Variants in NAV2 observed in about 807,000 individuals in gnomAD.
NAV2 encodes helicase, APC down-regulated 1.
A neutral mutation model predicts 223.2 loss-of-function variants in NAV2; 54 were observed. The observed-to-expected ratio is 0.24, with a 90% CI of 0.19 to 0.30. NAV2 has a LOEUF of 0.30. NAV2 is among the 10% of genes least tolerant of loss of function. NAV2 has a pLI of 1.00. For synonymous variants in NAV2, 1,279 were observed against 1,239.3 expected (o/e 1.03, Z -0.67); for missense variants, 2,806 against 3,147.5 (o/e 0.89, Z 2.60).
At chr11:19,437,623 T>C (rs1290988364) in intron 1 of NAV2, among the ~76,000 whole-genome samples, 2 of 152,140 alleles carry the variant, frequency 1.3e-5, no homozygotes, top group Non-Finnish European at 2.9e-5. Context: ...AATATCCAAA[T>C]GTCTATTTGT....
chr11:19,542,098 C>A (rs1418567871), intron 1 of NAV2, among the ~76,000 whole-genome samples: 1 of 152,168 alleles, frequency 6.6e-6, no homozygotes, highest in East Asian at 1.9e-4. Context: ...GAATCCCTTC[C>A]ACCCACCCTT....
chr11:19,695,361 A>C (rs2049298977), intron 1 of NAV2, among the ~76,000 whole-genome samples: 1 of 152,216 alleles, frequency 6.6e-6, no homozygotes, highest in South Asian at 2.1e-4. Context: ...GTAAACAGGG[A>C]ATGACAATAC....
intron 1 of NAV2, among the ~76,000 whole-genome samples, chr11:19,739,065 C>T (rs2052577964): frequency 6.6e-6 from 1 of 152,204 alleles, no homozygotes. Context: ...CCTGTGGTCT[C>T]AGCTACTCAG....
At chr11:19,924,652 A>G (rs145549729) in intron 6 of NAV2, among the ~76,000 whole-genome samples, 450 of 152,372 alleles carry the variant, frequency 3.0e-3, no homozygotes, top group Non-Finnish European at 4.7e-3. Flanking sequence ...GTGACCCAGT[A>G]GAGAGCAAAA....
chr11:19,882,598 CA>C (rs764123854), intron 5 of NAV2, among the ~76,000 whole-genome samples: 4 of 152,206 alleles, frequency 2.6e-5, no homozygotes, highest in Non-Finnish European at 4.4e-5. Context: ...TAACCTGAGG[CA>C]TCCATTTCCA....
intron 1 of NAV2, among the ~76,000 whole-genome samples, chr11:19,783,106 T>C (rs1050231489): frequency 6.6e-6 from 1 of 152,212 alleles, no homozygotes; most frequent in Non-Finnish European, 1.5e-5. Flanking sequence ...AGCTCCAGTA[T>C]GTTTACTGGG....
chr11:20,004,557 G>A (rs755556657), intron 11 of NAV2, among the ~76,000 whole-genome samples: 18 of 152,148 alleles, frequency 1.2e-4, no homozygotes, highest in Non-Finnish European at 1.9e-4. Flanking sequence ...GGCAGTTTTG[G>A]TATTCTGATC....
intron 1 of NAV2, among the ~76,000 whole-genome samples, chr11:19,476,399 C>T (rs2042116560): frequency 6.6e-6 from 1 of 152,038 alleles, no homozygotes; most frequent in Admixed American, 6.5e-5. Flanking sequence ...GCCAGCCTGC[C>T]TTACTCCTAT....
chr11:19,498,056 T>C (rs551401995), intron 1 of NAV2, among the ~76,000 whole-genome samples: 1 of 152,198 alleles, frequency 6.6e-6, no homozygotes, highest in African/African-American at 2.4e-5. Context: ...CACGAGGACA[T>C]GCACTTAGGA....
At chr11:19,762,744 G>A (rs529059608) in intron 1 of NAV2, among the ~76,000 whole-genome samples, 1 of 151,486 alleles carries the variant, frequency 6.6e-6, no homozygotes, top group East Asian at 2.0e-4. Context: ...CTCCTGAGTA[G>A]CTGGGATTAC....
intron 1 of NAV2, among the ~76,000 whole-genome samples, chr11:19,811,695 A>C (rs75172038): frequency 1.3e-3 from 205 of 152,286 alleles, no homozygotes; most frequent in African/African-American, 4.8e-3. Context: ...TCCACTGGCC[A>C]CCTGGAATTG....
At chr11:19,627,524 G>T (rs1298607908) in intron 1 of NAV2, among the ~76,000 whole-genome samples, 2 of 152,112 alleles carry the variant, frequency 1.3e-5, no homozygotes, top group Non-Finnish European at 2.9e-5. Flanking sequence ...CTGCAATTTT[G>T]ACCTCATCAG....
Position 19,968,967 on chromosome 11 carries a change from C to T in NAV2, c.2646-15158C>T, listed in dbSNP as rs572321856. Reference sequence around the variant, plus strand: ...CTGGCTGGGTTGCCTGGGTGCTTGGCTGCTTGGCTTCTGAGTGTCTCATGC... The same window carrying T: ...CTGGCTGGGTTGCCTGGGTGCTTGGTTGCTTGGCTTCTGAGTGTCTCATGC... On this transcript the variant is annotated intron_variant, in intron 10 of 37. Coordinates refer to ENST00000349880, the MANE Select transcript of NAV2 (RefSeq NM_145117.5). Among the ~76,000 whole-genome samples, 11 of 152,230 alleles carry T rather than the reference C, an allele frequency of 7.2e-5. No individual in the cohort carries two copies. The South Asian group carries it at 2.3e-3, about 32-fold the overall frequency.
intron 8 of NAV2, among the ~76,000 whole-genome samples, chr11:19,941,600 A>G (rs150008076): frequency 1.3e-5 from 2 of 152,060 alleles, no homozygotes; most frequent in African/African-American, 4.8e-5. Context: ...GGGTTTTCCT[A>G]TGGTGTGTGG....
chr11:19,475,876 C>G (rs540926957), intron 1 of NAV2, among the ~76,000 whole-genome samples: 1 of 152,358 alleles, frequency 6.6e-6, no homozygotes, highest in African/African-American at 2.4e-5. Flanking sequence ...ATGGTAAGAG[C>G]CACGAAGTGG....
At chr11:19,500,827 C>A (rs1022369564) in intron 1 of NAV2, among the ~76,000 whole-genome samples, 1 of 152,158 alleles carries the variant, frequency 6.6e-6, no homozygotes. Context: ...TAGTGAGTGG[C>A]AAAGATCTTT....
At chr11:19,362,772 GTAT>G (rs1182878759) in intron 1 of NAV2, among the ~76,000 whole-genome samples, 4 of 152,104 alleles carry the variant, frequency 2.6e-5, no homozygotes, top group East Asian at 3.9e-4. Context: ...GGTAATAATA[GTAT>G]TATTATCATT....
At chr11:19,434,622 C>G (rs891917943) in intron 1 of NAV2, among the ~76,000 whole-genome samples, 2 of 152,104 alleles carry the variant, frequency 1.3e-5, no homozygotes, top group Non-Finnish European at 2.9e-5. Flanking sequence ...TTTTTTAGCT[C>G]CTTTAGAAAA....
chr11:19,379,351 G>A (rs773301581), intron 1 of NAV2, among the ~76,000 whole-genome samples: 6 of 152,168 alleles, frequency 3.9e-5, no homozygotes, highest in Admixed American at 1.3e-4. Context: ...TAAGAGCAAG[G>A]CCTATTACTT....
Sources: allele counts gnomAD v4.1 joint callset (sites outside exome capture counted in the v4.1 genomes callset), GRCh38; gene constraint gnomAD v4.1.1; transcripts MANE v1.5; gene names NCBI Gene and HGNC (gene_info 2026-07-23, HGNC 2026-07-21).